The following PARD3 variants were observed in gnomAD, a reference collection of about 807,000 sequenced individuals.
PARD3 encodes par-3 family cell polarity regulator, also known as partitioning defective 3 homolog.
A neutral mutation model predicts 155.4 loss-of-function variants in PARD3; 75 were observed. The ratio of observed to expected loss-of-function variants is 0.48; its 90% confidence interval spans 0.40 to 0.58. PARD3 has a LOEUF of 0.58. PARD3 is among the 20% of genes least tolerant of loss of function. PARD3 has a pLI of 0.00. For missense variants in PARD3, 1,642 were observed against 1,721.7 expected (o/e 0.95, Z 0.82); for synonymous variants, 576 against 610.5 (o/e 0.94, Z 0.83).
chr10:34,264,696 G>A (rs544060098), intron 22 of PARD3, among the ~76,000 whole-genome samples: 2 of 151,876 alleles, frequency 1.3e-5, no homozygotes, highest in African/African-American at 2.4e-5. Context: ...TAATGCAAGG[G>A]AGCCTGGGAA....
chr10:34,478,509 A>G (rs766307891), intron 3 of PARD3, among the ~76,000 whole-genome samples: 1 of 152,222 alleles, frequency 6.6e-6, no homozygotes, highest in Non-Finnish European at 1.5e-5. Context: ...TCCAACACAC[A>G]TAAGGAGGGA....
At chr10:34,183,689 C>G (rs1170044115) in intron 22 of PARD3, among the ~76,000 whole-genome samples, 1 of 152,322 alleles carries the variant, frequency 6.6e-6, no homozygotes, top group Middle Eastern at 3.4e-3. Context: ...ACGTAAATAA[C>G]ACACCGTCTC....
chr10:34,349,962 G>A (rs1489753568), intron 14 of PARD3, among the ~76,000 whole-genome samples: 1 of 152,068 alleles, frequency 6.6e-6, no homozygotes, highest in Non-Finnish European at 1.5e-5. Flanking sequence ...ACAGTAAGAC[G>A]TCTGTTCAGA....
intron 14 of PARD3, among the ~76,000 whole-genome samples, chr10:34,357,369 A>G (rs978110947): frequency 2.6e-5 from 4 of 152,218 alleles, no homozygotes; most frequent in African/African-American, 7.2e-5. Flanking sequence ...ATTCACTGCT[A>G]TGTCCTCAGG....
At chr10:34,492,645 A>G (rs2079995279) in intron 3 of PARD3, among the ~76,000 whole-genome samples, 1 of 152,248 alleles carries the variant, frequency 6.6e-6, no homozygotes, top group Admixed American at 6.5e-5. Flanking sequence ...TAAATTTTAC[A>G]CCAGCTTTTG....
intron 5 of PARD3, among the ~76,000 whole-genome samples, chr10:34,432,827 A>G (rs969923099): frequency 1.3e-5 from 2 of 152,170 alleles, no homozygotes; most frequent in Non-Finnish European, 2.9e-5. Flanking sequence ...AAGTAACATA[A>G]AAGTTCACCA....
chr10:34,506,065 G>A lies in PARD3; in HGVS notation c.403+10914C>T, dbSNP rs773974. The stretch of plus-strand genomic sequence containing the variant: ...CACTTGAACCCAGGAGGTGGAAGTC[G>A]CGGTGAGCCGAGATGGCACCACTGC... On this transcript the variant is annotated intron_variant, in intron 3 of 24. Coordinates refer to ENST00000374788, the MANE Select transcript of PARD3 (RefSeq NM_001184785.2). Among the ~76,000 whole-genome samples the A allele has an allele frequency of 7.5e-3, 1,148 of 152,182 alleles. 13 individuals carry two copies. The highest frequency in any genetic ancestry group is 0.025 in the African/African-American group (1,058 of 41,510).
intron 23 of PARD3, among the ~76,000 whole-genome samples, chr10:34,128,351 T>C (rs1947400379): frequency 6.6e-6 from 1 of 152,210 alleles, no homozygotes; most frequent in Non-Finnish European, 1.5e-5. Flanking sequence ...GATGATCCAC[T>C]TCCATTTAAA....
intron 2 of PARD3, among the ~76,000 whole-genome samples, chr10:34,603,742 G>A (rs2089988092): frequency 6.6e-6 from 1 of 152,136 alleles, no homozygotes; most frequent in African/African-American, 2.4e-5. Flanking sequence ...AGCACAGAAT[G>A]AAAACAGAAA....
At chr10:34,493,732 CA>C (rs140921203) in intron 3 of PARD3, among the ~76,000 whole-genome samples, 25 of 131,938 alleles carry the variant, frequency 1.9e-4, no homozygotes, top group South Asian at 2.4e-4. Context: ...AACTCTGTCT[CA>C]AAAAAAAAAG....
At position 34,160,979 on chromosome 10, in the gene PARD3, G is replaced by C. The variant is rs563701450; in HGVS notation, c.3420-29396C>G. Among the ~76,000 whole-genome samples, 6 of 152,316 alleles carry C rather than the reference G, an allele frequency of 3.9e-5. 2 individuals are homozygous for C. The highest frequency in any genetic ancestry group is 1.4e-4 in the African/African-American group (6 of 41,584). The stretch of plus-strand genomic sequence containing the variant: ...TAGTTAGAAAAGAGACTCAAGGCCA[G>C]GTGTGGTGGCTCATGCCTGTAATCC... On this transcript the variant is annotated intron_variant, in intron 22 of 24. Coordinates refer to ENST00000374788, the MANE Select transcript of PARD3 (RefSeq NM_001184785.2).
rs115371931 is a variant in PARD3 at position 34,154,087 on chromosome 10, T to C, written c.3420-22504A>G. On this transcript the variant is annotated intron_variant, in intron 22 of 24. Coordinates refer to ENST00000374788, the MANE Select transcript of PARD3 (RefSeq NM_001184785.2). ...TTGACACTAAAAAGAAACATCAATT[T>C]ATTAGGAGATAAAACTTGTTCTCCA... Among the ~76,000 whole-genome samples, 752 of 152,326 alleles carry C rather than the reference T, an allele frequency of 4.9e-3. 6 individuals carry two copies. The highest frequency in any genetic ancestry group is 0.017 in the African/African-American group (713 of 41,576).
chr10:34,522,096 G>A (rs1015040579), intron 2 of PARD3, among the ~76,000 whole-genome samples: 3 of 152,188 alleles, frequency 2.0e-5, no homozygotes, highest in Non-Finnish European at 4.4e-5. Flanking sequence ...CAGACAGGAT[G>A]GAGGTTAAGA....
chr10:34,179,166 GCGCACACA>G (rs202214193), intron 22 of PARD3, among the ~76,000 whole-genome samples: 5,358 of 131,268 alleles, frequency 0.041, 290 homozygotes, highest in East Asian at 0.21. Flanking sequence ...ATGTGCGTGC[GCGCACACA>G]CACACACACA....
At chr10:34,607,252 T>A (rs2090539905) in intron 2 of PARD3, among the ~76,000 whole-genome samples, 1 of 152,164 alleles carries the variant, frequency 6.6e-6, no homozygotes, top group African/African-American at 2.4e-5. Flanking sequence ...TACAGATAAA[T>A]GCACAACACA....
At chr10:34,550,842 T>C (rs2084492283) in intron 2 of PARD3, among the ~76,000 whole-genome samples, 1 of 152,190 alleles carries the variant, frequency 6.6e-6, no homozygotes, top group Non-Finnish European at 1.5e-5. Flanking sequence ...TCTACTCATT[T>C]TTCACCTATG....
rs2244475 is a variant in PARD3 at position 34,609,867 on chromosome 10, A to C, written c.222+86451T>G. On this transcript the variant is annotated intron_variant, in intron 2 of 24. Coordinates refer to ENST00000374788, the MANE Select transcript of PARD3 (RefSeq NM_001184785.2). ...TTTAAAACCAGCAGAAATTAGCAGA[A>C]TGTTACAAAGTGCTAGGCAATAAAC... 9.7e-3 allele frequency among the ~76,000 whole-genome samples: 1,476 copies of C among 152,342 alleles called. 13 individuals carry two copies. Among genetic ancestry groups the C allele is most frequent in the South Asian group, 0.028 (136 of 4,824 alleles).
At chr10:34,308,131 T>A (rs1050152982) in intron 20 of PARD3, among the ~76,000 whole-genome samples, 4 of 152,172 alleles carry the variant, frequency 2.6e-5, no homozygotes, top group African/African-American at 9.7e-5. Context: ...GTAAAGTTAC[T>A]GAAGGAAAGA....
At chr10:34,707,266 G>GA (rs144638516) in intron 1 of PARD3, among the ~76,000 whole-genome samples, 2,814 of 150,970 alleles carry the variant, frequency 0.019, 97 homozygotes, top group African/African-American at 0.065. Context: ...AAGAAAAGAA[G>GA]AAAAAAAGTG....
Sources: gnomAD v4.1 joint callset for allele counts (sites outside exome capture counted in the v4.1 genomes callset) on GRCh38, gnomAD v4.1.1 for gene constraint, MANE v1.5 for transcripts, NCBI Gene and HGNC (gene_info 2026-07-23, HGNC 2026-07-21) for gene names.